SMYD3: variants seen among roughly 807,000 people sequenced by gnomAD.
SMYD3 encodes SET and MYND domain containing 3.
Under a neutral mutation model 57.7 loss-of-function variants are expected in SMYD3, and 36 were observed. The ratio of observed to expected loss-of-function variants is 0.62; its 90% CI spans 0.48 to 0.82. The LOEUF is 0.82. SMYD3 is among the 40% of genes least tolerant of loss of function. The pLI is 0.00. For missense variants in SMYD3, 515 were observed against 538.8 expected (o/e 0.96, Z 0.44); for synonymous variants, 211 against 195.0 (o/e 1.08, Z -0.68).
At chr1:246,417,662 G>A in intron 1 of SMYD3, among the ~76,000 whole-genome samples, 1 of 152,054 alleles carries the variant, frequency 6.6e-6, no homozygotes, top group East Asian at 1.9e-4. Context: ...CCCATCTTAG[G>A]GTTTACAGTG....
At chr1:245,906,255 G>A (rs1309163020) in intron 8 of SMYD3, among the ~76,000 whole-genome samples, 3 of 152,146 alleles carry the variant, frequency 2.0e-5, no homozygotes, top group Non-Finnish European at 4.4e-5. Context: ...CTGACAAGGG[G>A]TTAATCACCA....
intron 5 of SMYD3, among the ~76,000 whole-genome samples, chr1:246,104,722 T>A (rs1023420376): frequency 1.2e-4 from 19 of 152,102 alleles, no homozygotes; most frequent in Non-Finnish European, 2.8e-4. Flanking sequence ...CCAGAACCAA[T>A]TTCCTCATGT....
chr1:246,008,906 G>C (rs1482514703), intron 5 of SMYD3, among the ~76,000 whole-genome samples: 3 of 152,166 alleles, frequency 2.0e-5, no homozygotes, highest in East Asian at 1.9e-4. Context: ...GGTGAGACAG[G>C]AGAGTCCGGG....
intron 5 of SMYD3, among the ~76,000 whole-genome samples, chr1:246,017,999 C>T (rs1459817504): frequency 6.6e-6 from 1 of 152,190 alleles, no homozygotes; most frequent in East Asian, 1.9e-4. Context: ...TCTTCTACTT[C>T]TCTGTCCCAG....
At chr1:246,075,584 G>A (rs1004314514) in intron 5 of SMYD3, among the ~76,000 whole-genome samples, 1 of 152,148 alleles carries the variant, frequency 6.6e-6, no homozygotes, top group Non-Finnish European at 1.5e-5. Flanking sequence ...ATTACCAGCA[G>A]ACCTGTACTA....
intron 2 of SMYD3, among the ~76,000 whole-genome samples, chr1:246,354,118 A>G (rs1419994852): frequency 2.0e-5 from 3 of 152,238 alleles, no homozygotes; most frequent in African/African-American, 4.8e-5. Context: ...TATACAAAAC[A>G]TAAGAAACAA....
chr1:246,203,877 CCT>C lies in SMYD3; in HGVS notation c.531+123322_531+123323del, dbSNP rs1301232163. On this transcript the variant is annotated intron_variant, in intron 5 of 11. Transcript: ENST00000490107. This position sits in a 1 kb window ranked among gnomAD's most constrained non-coding sequence, Gnocchi z 4.6. The stretch of plus-strand genomic sequence containing the variant: ...ACCCACTCCTAGTCCAGATCTTCCC[CCT>C]GTCCTATCTAGCTGCTTCCCATCAC... Among the ~76,000 whole-genome samples the C allele has an allele frequency of 1.3e-5, 2 of 152,170 alleles. No individual in the cohort carries two copies. The highest frequency in any genetic ancestry group is 1.3e-4 in the Admixed American group (2 of 15,276).
At chr1:245,921,376 G>A (rs2055916740) in intron 7 of SMYD3, among the ~76,000 whole-genome samples, 1 of 151,936 alleles carries the variant, frequency 6.6e-6, no homozygotes, top group Non-Finnish European at 1.5e-5. Flanking sequence ...TTGGAGAGGA[G>A]CTCAGAACTA....
intron 8 of SMYD3, among the ~76,000 whole-genome samples, chr1:245,914,567 A>C (rs1053387053): frequency 6.6e-6 from 1 of 152,238 alleles, no homozygotes; most frequent in African/African-American, 2.4e-5. Context: ...GAATTAAAAA[A>C]AATGGATTTC....
Position 246,506,228 on chromosome 1 carries a change from A to G in SMYD3, c.164+826T>C, listed in dbSNP as rs142100816. 6.6e-5 allele frequency among the ~76,000 whole-genome samples: 10 copies of G among 152,372 alleles called. No individual in the cohort carries two copies. In the East Asian group the frequency reaches 7.7e-4, roughly 12 times the overall value. On this transcript the variant is annotated intron_variant, in intron 1 of 11. Transcript: ENST00000490107. Reference sequence around the variant, plus strand: ...TCAATAATATTTGTTGACTGAATGCAGTTCCTATTATTCATGTATGTTACA... The same window carrying G: ...TCAATAATATTTGTTGACTGAATGCGGTTCCTATTATTCATGTATGTTACA...
chr1:246,133,039 T>C (rs2061611206), intron 5 of SMYD3, among the ~76,000 whole-genome samples: 1 of 151,932 alleles, frequency 6.6e-6, no homozygotes, highest in South Asian at 2.1e-4. Context: ...CTGGTGGAAA[T>C]ATGAAAGGTG....
chr1:246,330,589 A>G, intron 3 of SMYD3, 52 bp from the exon 4 acceptor site: 1 of 1,490,578 alleles, frequency 6.7e-7, no homozygotes, highest in Non-Finnish European at 9.1e-7. Context: ...GTTCCAATAT[A>G]TAAACAAATA....
intron 1 of SMYD3, among the ~76,000 whole-genome samples, chr1:246,418,160 G>A (rs1449748374): frequency 6.6e-6 from 1 of 152,178 alleles, no homozygotes; most frequent in Non-Finnish European, 1.5e-5. Flanking sequence ...AGAGCCAGAG[G>A]GGGAGGAAAA....
chr1:246,220,384 G>T (rs2063234534), intron 5 of SMYD3, among the ~76,000 whole-genome samples: 1 of 150,108 alleles, frequency 6.7e-6, no homozygotes, highest in Admixed American at 6.7e-5. Flanking sequence ...AACCATGGCT[G>T]CAGACCTGGG....
At chr1:245,849,986 T>C (rs538662440) in intron 10 of SMYD3, among the ~76,000 whole-genome samples, 28 of 151,678 alleles carry the variant, frequency 1.8e-4, no homozygotes, top group Admixed American at 9.8e-4. Context: ...AGAAAAGGTA[T>C]GGGTTTCCAG....
At chr1:246,332,862 T>C (rs1407337294) in intron 3 of SMYD3, among the ~76,000 whole-genome samples, 1 of 152,192 alleles carries the variant, frequency 6.6e-6, no homozygotes, top group East Asian at 1.9e-4. Flanking sequence ...CAGCAAGTGC[T>C]GATATAGAAG....
intron 1 of SMYD3, among the ~76,000 whole-genome samples, chr1:246,504,124 T>A (rs1052233154): frequency 6.6e-6 from 1 of 152,196 alleles, no homozygotes; most frequent in Admixed American, 6.5e-5. Context: ...CAGGTTCACC[T>A]TTCTCCATTA....
At chr1:245,970,753 T>A (rs1356414093) in intron 5 of SMYD3, among the ~76,000 whole-genome samples, 1 of 152,160 alleles carries the variant, frequency 6.6e-6, no homozygotes. Context: ...TGAGATACCA[T>A]CTCACACCAG....
intron 5 of SMYD3, among the ~76,000 whole-genome samples, chr1:246,010,385 C>A (rs781246211): frequency 3.9e-5 from 6 of 152,136 alleles, no homozygotes; most frequent in Non-Finnish European, 7.4e-5. Context: ...AGAGAAAGAC[C>A]TAAAACTCTA....
Sources: allele counts gnomAD v4.1 joint callset (sites outside exome capture counted in the v4.1 genomes callset), GRCh38; gene constraint gnomAD v4.1.1; non-coding constraint Gnocchi (gnomAD v3.1); transcripts MANE v1.5; gene names NCBI Gene and HGNC (gene_info 2026-07-23, HGNC 2026-07-21).